Variants in MAML3 observed in about 807,000 individuals in gnomAD.
MAML3 encodes the protein mastermind-like protein 3.
MAML3 carries 27 observed loss-of-function variants against 101.9 expected under a neutral mutation model. That is an observed-to-expected ratio of 0.27 (90% CI 0.20 to 0.37). MAML3 has a LOEUF of 0.37. Among genes scored for constraint, MAML3 ranks in the 10% least tolerant of loss-of-function variants. MAML3 has a pLI of 1.00. For synonymous variants in MAML3, 501 were observed against 555.9 expected (o/e 0.90, Z 1.39); for missense variants, 1,316 against 1,444.9 (o/e 0.91, Z 1.45).
intron 1 of MAML3, among the ~76,000 whole-genome samples, chr4:140,077,452 G>A (rs1359202849): frequency 1.3e-5 from 2 of 152,060 alleles, no homozygotes; most frequent in South Asian, 2.1e-4. Flanking sequence ...CTTCCATCAC[G>A]TTGCCCCCTT....
Position 140,072,337 on chromosome 4 carries a change from T to C in MAML3, c.468+80523A>G, listed in dbSNP as rs182366422. ...CAGTGTAACAACCATTCACATAGCA[T>C]TTACATTGTGTTAGGTATTATAAGA... On this transcript the variant is annotated intron_variant, in intron 1 of 4. Transcript: ENST00000509479. Among the ~76,000 whole-genome samples, 3 of 152,220 alleles carry C rather than the reference T, an allele frequency of 2.0e-5. No homozygotes were observed. The East Asian group carries it at 5.8e-4, about 29-fold the overall frequency.
At chr4:139,920,920 C>T (rs1046276353) in intron 1 of MAML3, among the ~76,000 whole-genome samples, 9 of 152,160 alleles carry the variant, frequency 5.9e-5, no homozygotes, top group African/African-American at 1.9e-4. Flanking sequence ...GGAGAATAGG[C>T]CCTTGCACAC....
intron 2 of MAML3, among the ~76,000 whole-genome samples, chr4:139,733,439 C>T (rs1376376462): frequency 6.6e-6 from 1 of 152,002 alleles, no homozygotes; most frequent in African/African-American, 2.4e-5. Context: ...GTTGCTTTCC[C>T]AGCCTCCTCT....
chr4:139,908,961 C>T (rs1048701753), intron 1 of MAML3, among the ~76,000 whole-genome samples: 1 of 152,194 alleles, frequency 6.6e-6, no homozygotes, highest in African/African-American at 2.4e-5. Context: ...TGAAGTGTCA[C>T]AGAAATACAT....
At chr4:140,044,014 G>T (rs4863731) in intron 1 of MAML3, among the ~76,000 whole-genome samples, 3 of 151,890 alleles carry the variant, frequency 2.0e-5, no homozygotes, top group African/African-American at 7.3e-5. Flanking sequence ...AATAATACCC[G>T]TTCATTTTTC....
intron 1 of MAML3, among the ~76,000 whole-genome samples, chr4:139,924,795 C>T (rs1472108886): frequency 1.3e-5 from 2 of 152,186 alleles, no homozygotes; most frequent in African/African-American, 4.8e-5. Context: ...TCTTATTATT[C>T]ATCTACTACC....
rs1363072481 is a variant in MAML3, at chr4:139,830,488, C to T, written c.2079+58869G>A. Among the ~76,000 whole-genome samples, 3 of 146,080 alleles carry T rather than the reference C, an allele frequency of 2.1e-5. No homozygotes were observed. The East Asian group carries it at 6.0e-4, about 29-fold the overall frequency. ...GGAGTGCAGTGGTGCGATCTCGGCT[C>T]ACTGCAAGCGCCGCCTCCCGGGTTC... On this transcript the variant is annotated intron_variant, in intron 2 of 4. Transcript: ENST00000509479.
chr4:140,116,108 T>C (rs151058339), intron 1 of MAML3, among the ~76,000 whole-genome samples: 1,774 of 152,298 alleles, frequency 0.012, 37 homozygotes, highest in African/African-American at 0.04. Flanking sequence ...TAAATAAAAG[T>C]AGTTTATCTT....
intron 1 of MAML3, among the ~76,000 whole-genome samples, chr4:140,107,656 C>G (rs953677489): frequency 2.0e-5 from 3 of 151,836 alleles, no homozygotes; most frequent in Admixed American, 2.0e-4. Context: ...AGGCGCCCAC[C>G]ACCACACATG....
intron 1 of MAML3, among the ~76,000 whole-genome samples, chr4:140,112,863 T>C (rs1217379815): frequency 6.6e-6 from 1 of 152,220 alleles, no homozygotes; most frequent in East Asian, 1.9e-4. Flanking sequence ...AGAGAGAAAA[T>C]ATTGCTATTT....
chr4:139,820,614 C>T (rs2111121911), intron 2 of MAML3, among the ~76,000 whole-genome samples: 1 of 152,302 alleles, frequency 6.6e-6, no homozygotes, highest in East Asian at 1.9e-4. Context: ...TACATTCTCA[C>T]TTGTTGAAAA....
chr4:139,903,548 A>G (rs988282998), intron 1 of MAML3, among the ~76,000 whole-genome samples: 1 of 152,228 alleles, frequency 6.6e-6, no homozygotes, highest in African/African-American at 2.4e-5. Context: ...CAGAGACTGA[A>G]TTCTGTGTCC....
At chr4:140,004,249 G>C (rs6823515) in intron 1 of MAML3, among the ~76,000 whole-genome samples, 39,742 of 152,018 alleles carry the variant, frequency 0.26, 6,575 homozygotes, top group Non-Finnish European at 0.37. Flanking sequence ...CCAGAATATT[G>C]GTGGATGGGG....
chr4:140,080,689 C>T lies in MAML3; in HGVS notation c.468+72171G>A, dbSNP rs187180471. On this transcript the variant is annotated intron_variant, in intron 1 of 4. Transcript: ENST00000509479. Reference sequence around the variant, plus strand: ...AAATATATGAAAACTTCCCGTTGTTCGGTTTCCACTCCAACTTATGTTTTC... The same window carrying T: ...AAATATATGAAAACTTCCCGTTGTTTGGTTTCCACTCCAACTTATGTTTTC... Among the ~76,000 whole-genome samples the T allele has an allele frequency of 2.7e-3, 391 of 144,474 alleles. 2 individuals are homozygous for T. The highest frequency in any genetic ancestry group is 4.8e-3 in the Non-Finnish European group (304 of 63,500). The allele number at this position is 144,474 out of a possible 152,430, so 94.8% of individuals were successfully genotyped here. A position where few individuals can be genotyped will look rare whatever the true frequency, so the allele number is the denominator to read the frequency against.
At chr4:139,816,122 T>C (rs1486976079) in intron 2 of MAML3, among the ~76,000 whole-genome samples, 2 of 152,052 alleles carry the variant, frequency 1.3e-5, no homozygotes, top group East Asian at 1.9e-4. Flanking sequence ...GTTGATTGCA[T>C]TGTTACTAAT....
chr4:139,999,357 C>T lies in MAML3; in HGVS notation c.469-108390G>A, dbSNP rs79807255. On this transcript the variant is annotated intron_variant, in intron 1 of 4. Coordinates refer to ENST00000509479, the MANE Select transcript of MAML3 (RefSeq NM_018717.5). Reference sequence around the variant, plus strand: ...GTCCTTTATGGACTGTGGTCCTCTACTCCTAGAATCTCCATGACAACTGAA... The same window carrying T: ...GTCCTTTATGGACTGTGGTCCTCTATTCCTAGAATCTCCATGACAACTGAA... 6.5e-3 allele frequency among the ~76,000 whole-genome samples: 994 copies of T among 152,326 alleles called. 13 individuals carry two copies. Among genetic ancestry groups the T allele is most frequent in the African/African-American group, 0.023 (947 of 41,576 alleles).
intron 1 of MAML3, among the ~76,000 whole-genome samples, chr4:140,036,163 TA>T (rs1726983874): frequency 6.6e-6 from 1 of 152,234 alleles, no homozygotes; most frequent in Non-Finnish European, 1.5e-5. Context: ...TTTCATTGAA[TA>T]ACAAGTGTGT....
At chr4:139,722,149 G>T (rs1250615036) in intron 4 of MAML3, among the ~76,000 whole-genome samples, 1 of 152,156 alleles carries the variant, frequency 6.6e-6, no homozygotes, top group Non-Finnish European at 1.5e-5. Context: ...TGAGAAATAG[G>T]TTCCTTTCTT....
rs901832762 is a variant in MAML3, at chr4:140,068,538, G to C, written c.468+84322C>G. Among the ~76,000 whole-genome samples, 3 of 152,180 alleles carry C rather than the reference G, an allele frequency of 2.0e-5. No individual in the cohort carries two copies. In the East Asian group the frequency reaches 5.8e-4, roughly 29 times the overall value. On this transcript the variant is annotated intron_variant, in intron 1 of 4. Coordinates refer to ENST00000509479, the MANE Select transcript of MAML3 (RefSeq NM_018717.5). Reference sequence around the variant, plus strand: ...ATGCAAACAAGCACTGTTCTGGAAAGAGAACTCTACCAGGAGCTCACTCTC... The same window carrying C: ...ATGCAAACAAGCACTGTTCTGGAAACAGAACTCTACCAGGAGCTCACTCTC...
Sources: gnomAD v4.1 joint callset for allele counts (sites outside exome capture counted in the v4.1 genomes callset) on GRCh38, gnomAD v4.1.1 for gene constraint, MANE v1.5 for transcripts, NCBI Gene and HGNC (gene_info 2026-07-23, HGNC 2026-07-21) for gene names.